Variants in MYH7 observed in about 807,000 individuals in gnomAD.
The protein encoded by MYH7 is myosin heavy chain 7.
Under a neutral mutation model 225.4 loss-of-function variants are expected in MYH7, and 129 were observed. The ratio of observed to expected loss-of-function variants is 0.57; its 90% confidence interval spans 0.50 to 0.66. The LOEUF (loss-of-function observed/expected upper bound fraction) is 0.66, where lower values mean the gene tolerates loss of function less well. Among genes scored for constraint, MYH7 ranks in the 30% least tolerant of loss-of-function variants. The pLI, the probability that MYH7 is intolerant of heterozygous loss-of-function variation, is 0.00. For synonymous variants in MYH7, 971 were observed against 1,007.6 expected (o/e 0.96, Z 0.69); for missense variants, 1,649 against 2,517.0 (o/e 0.66, Z 7.38).
At chr14:23,416,376 T>G in intron 33 of MYH7, 64 bp from the exon 34 acceptor site, 1 of 1,537,100 alleles carries the variant, frequency 6.5e-7, no homozygotes, top group Non-Finnish European at 8.9e-7. Context: ...GGTGGGGGCC[T>G]GCTCACTAAT....
chr14:23,427,664 C>T lies in MYH7; in HGVS notation c.1809G>A (p.Glu603=). 1.9e-6 allele frequency: 3 copies of T among 1,614,230 alleles called. No individual in the cohort carries two copies. The highest frequency in any genetic ancestry group is 2.5e-6 in the Non-Finnish European group (3 of 1,180,046). Reference sequence around the variant, plus strand: ...ACTTCTGATACAAGCCCACGACAGTCTCATTGAGAGGATCCTTGTTCTTCT... The same window carrying T: ...ACTTCTGATACAAGCCCACGACAGTTTCATTGAGAGGATCCTTGTTCTTCT... ...WLQKNKDPLN[E]TVVGLYQKSS... is the part of the protein sequence containing the mutation. Residue 603 remains glutamate (E), a synonymous_variant, in exon 16 of 40, where the codon GAG becomes GAA. Coordinates refer to ENST00000355349, the MANE Select transcript of MYH7 (RefSeq NM_000257.4).
chr14:23,420,066 C>A lies in MYH7; in HGVS notation c.3505G>T (p.Ala1169Ser). ...TCCCGCCGCATCTTCTGGAACTCGG[C>A]CTCGCGCTTCTTGTTCATCTCGATC... ...VQIEMNKKREAEFQKMRRDLE... is the reference protein window; with the variant it reads ...VQIEMNKKRESEFQKMRRDLE... Residue 1169 changes from alanine to serine, a missense_variant, in exon 27 of 40, where the codon GCC (alanine) becomes TCC (serine). By Grantham distance (99) the Ala-to-Ser change is moderately conservative. Around this residue, in one of 12 missense-constraint regions of MYH7, gnomAD observed 106 missense variants for 198.8 expected, o/e 0.53. Transcript: ENST00000355349. The A allele has an allele frequency of 6.3e-7, 1 of 1,589,406 alleles. No individual in the cohort carries two copies.
chr14:23,417,714 G>A, intron 30 of MYH7, 28 bp from the exon 31 acceptor site: 6 of 1,611,380 alleles, frequency 3.7e-6, no homozygotes, highest in Non-Finnish European at 5.1e-6. Context: ...GCAGAGGGTG[G>A]GGAGGATGGA....
intron 17 of MYH7, 101 bp from the exon 18 acceptor site, chr14:23,426,965 T>G: frequency 3.1e-5 from 33 of 1,047,658 alleles, no homozygotes; most frequent in South Asian, 5.4e-5. Context: ...TGGAGAGAAT[T>G]CGAGAAGTCA....
At chr14:23,421,881 C>T (rs1892485910) in intron 25 of MYH7, 1 of 687,190 alleles carries the variant, frequency 1.5e-6, no homozygotes, top group Non-Finnish European at 1.8e-6. Context: ...AGGAACTGGT[C>T]TCCAAAGAGA....
At position 23,433,580 on chromosome 14, in the gene MYH7, G is replaced by A. The variant is rs373145667; in HGVS notation, c.153C>T (p.Ile51=). ...DDKQEFVKAK[I]VSREGGKVTA... is the part of the protein sequence containing the mutation. ...TGACTTTGCCACCCTCTCGAGACAC[G>A]ATCTTGGCCTTGACAAACTCCTGTT... The change falls in exon 3 of 40, where the codon ATC becomes ATT. Residue 51 remains isoleucine, a synonymous_variant. Transcript: ENST00000355349. This position sits in a 1 kb window ranked among gnomAD's most constrained non-coding sequence, Gnocchi z 4.1. 2.8e-5 allele frequency: 46 copies of A among 1,614,204 alleles called. No homozygotes were observed. The African/African-American group carries it at 3.1e-4, about 11-fold the overall frequency.
At position 23,427,698 on chromosome 14, in the gene MYH7, C is replaced by T. The variant is rs1566534030; in HGVS notation, c.1775G>A (p.Gly592Asp). The change falls in exon 16 of 40, where the codon GGC becomes GAC. Residue 592 changes from glycine to aspartate, a missense_variant. By Grantham distance (94) the Gly-to-Asp change is moderately conservative (BLOSUM62 -1). Coordinates refer to ENST00000355349, the MANE Select transcript of MYH7 (RefSeq NM_000257.4). ...YAGIVDYNII[G>D]WLQKNKDPLN... ...AGGATCCTTGTTCTTCTGCAGCCAG[C>T]CAATGATGTTGTAGTCCACGATGCC... The T allele has an allele frequency of 1.2e-6, 2 of 1,614,098 alleles. No homozygotes were observed. The highest frequency in any genetic ancestry group is 1.7e-6 in the Non-Finnish European group (2 of 1,180,054).
chr14:23,427,907 G>C lies in MYH7; in HGVS notation c.1579-13C>G. On this transcript the variant is annotated splice_polypyrimidine_tract_variant and intron_variant, in intron 15 of 39. Transcript: ENST00000355349. Reference sequence around the variant, plus strand: ...TGATGCCCATGGGCTGAGGAAGCAGGAGAGAGCATCACTGAGTGTCCTTCA... The same window carrying C: ...TGATGCCCATGGGCTGAGGAAGCAGCAGAGAGCATCACTGAGTGTCCTTCA... 6.2e-7 allele frequency: 1 copy of C among 1,614,104 alleles called. No individual in the cohort carries two copies. The highest frequency in any genetic ancestry group is 8.5e-7 in the Non-Finnish European group (1 of 1,180,014).
At chr14:23,430,532 C>T (rs757580733) in intron 11 of MYH7, 28 bp downstream of exon 11, 3 of 1,568,172 alleles carry the variant, frequency 1.9e-6, no homozygotes, top group Non-Finnish European at 2.6e-6. Flanking sequence ...AATCCTCCCA[C>T]CCCCTGGCTG....
At chr14:23,429,201 A>G in intron 13 of MYH7, 28 bp downstream of exon 13, 2 of 1,608,022 alleles carry the variant, frequency 1.2e-6, no homozygotes, top group Non-Finnish European at 1.7e-6. Flanking sequence ...TACCCTGCCC[A>G]CCCATTATCA....
intron 12 of MYH7, 115 bp from the exon 13 acceptor site, chr14:23,429,462 G>T (rs1308630310): frequency 1.0e-5 from 11 of 1,103,870 alleles, no homozygotes; most frequent in Non-Finnish European, 1.2e-5. Context: ...GATCACTTGA[G>T]GTCAGGAGTT....
intron 8 of MYH7, 30 bp from the exon 9 acceptor site, chr14:23,431,511 T>G: frequency 6.2e-7 from 1 of 1,613,878 alleles, no homozygotes; most frequent in Non-Finnish European, 8.5e-7. Context: ...TGGTGATGAG[T>G]TGGGGGAAGG....
In MYH7 at chr14:23,418,303, C is replaced by T. The variant is rs750836033; in HGVS notation, c.4076G>A (p.Arg1359His). The T allele has an allele frequency of 1.7e-5, 28 of 1,613,612 alleles. No homozygotes were observed. Among genetic ancestry groups the T allele is most frequent in the South Asian group, 4.4e-5 (4 of 91,046 alleles). Residue 1359 changes from arginine (R) to histidine (H), a missense_variant, in exon 30 of 40, where the codon CGC becomes CAC. Around this residue, in one of 12 missense-constraint regions of MYH7, gnomAD observed 687 missense variants for 913.8 expected, o/e 0.75. Transcript: ENST00000355349. ...CTCCGAGTTGGCCTTGGAAAGGACG[C>T]GCTGCAGCTCGGCCTTGGCCTCCGT... The part of the protein sequence containing the change: ...EETEAKAELQ[R>H]VLSKANSEVA...
intron 23 of MYH7, 35 bp from the exon 24 acceptor site, chr14:23,423,758 A>G (rs749009332): frequency 6.2e-7 from 1 of 1,613,724 alleles, no homozygotes; most frequent in Admixed American, 1.7e-5. Flanking sequence ...TTTAGGGTCA[A>G]AGGTCACCAG....
rs757766021 is a variant in MYH7, at chr14:23,431,615, C to T, written c.702G>A (p.Lys234=). ...GGGAGGAGTTGTCGTTCCGGACGGT[C>T]TTGGCATTGCCAAAGGCCTCCAGAG... ...NPALEAFGNA[K]TVRNDNSSRF... Residue 234 remains lysine, a synonymous_variant, in exon 8 of 40, where the codon AAG becomes AAA. Coordinates refer to ENST00000355349, the MANE Select transcript of MYH7 (RefSeq NM_000257.4). 3.1e-6 allele frequency: 5 copies of T among 1,614,250 alleles called. No homozygotes were observed. In the South Asian group the frequency reaches 5.5e-5, roughly 18 times the overall value.
Position 23,416,037 on chromosome 14 carries a change from C to G in MYH7, c.4920G>C (p.Gln1640His), listed in dbSNP as rs1350764949. 1 of 1,614,220 alleles carries G rather than the reference C, an allele frequency of 6.2e-7. No individual in the cohort carries two copies. The highest frequency in any genetic ancestry group is 2.2e-5 in the East Asian group (1 of 44,894). Residue 1640 changes from glutamine to histidine, a missense_variant, in exon 34 of 40, where the codon CAG becomes CAC. Gln to His is a conservative substitution (Grantham distance 24). Coordinates refer to ENST00000355349, the MANE Select transcript of MYH7 (RefSeq NM_000257.4). ...SHANRMAAEA[Q>H]KQVKSLQSLL... ...AGCTCTGGAGGCTCTTGACTTGCTTCTGGGCCTCGGCGGCCATGCGGTTGG... is the reference window on the plus strand; with the variant it reads ...AGCTCTGGAGGCTCTTGACTTGCTTGTGGGCCTCGGCGGCCATGCGGTTGG...
In MYH7 at chr14:23,424,207, G is replaced by A. The variant is rs896718758; in HGVS notation, c.2680-58C>T. The A allele has an allele frequency of 6.8e-6, 11 of 1,607,362 alleles. No individual in the cohort carries two copies. In the African/African-American group the frequency reaches 9.3e-5, roughly 14 times the overall value. On this transcript the variant is annotated intron_variant, in intron 22 of 39. Coordinates refer to ENST00000355349, the MANE Select transcript of MYH7 (RefSeq NM_000257.4). ...GGGGGTAAGGTCCTCATTCTTGCAGGTAGAGGGAAGGAGAGGCACATCACT... is the reference window on the plus strand; with the variant it reads ...GGGGGTAAGGTCCTCATTCTTGCAGATAGAGGGAAGGAGAGGCACATCACT...
chr14:23,417,476 T>G (rs1458025426), intron 31 of MYH7, 27 bp downstream of exon 31: 13 of 1,612,166 alleles, frequency 8.1e-6, no homozygotes, highest in East Asian at 2.2e-5. Flanking sequence ...CCCTGCATGC[T>G]GGCTGCGGCC....
chr14:23,429,196 T>G (rs1413581411), intron 13 of MYH7, 33 bp downstream of exon 13: 1 of 1,535,148 alleles, frequency 6.5e-7, no homozygotes, highest in Non-Finnish European at 9.0e-7. Flanking sequence ...CTCCCTACCC[T>G]GCCCACCCAT....
Sources: allele counts gnomAD v4.1 joint callset, GRCh38; gene constraint gnomAD v4.1.1; regional missense constraint gnomAD v4.1.1; non-coding constraint Gnocchi (gnomAD v3.1); transcripts MANE v1.5; gene names NCBI Gene and HGNC (gene_info 2026-07-23, HGNC 2026-07-21).